The following CCDC90B variants were observed in gnomAD, a reference collection of about 807,000 sequenced individuals.
CCDC90B encodes the protein coiled-coil domain-containing protein 90B, mitochondrial.
A neutral mutation model predicts 37.0 loss-of-function variants in CCDC90B; 24 were observed. That is an observed-to-expected ratio of 0.65 (90% CI 0.47 to 0.91). CCDC90B has a LOEUF of 0.91. Among genes scored for constraint, CCDC90B ranks in the 40% least tolerant of loss-of-function variants. The pLI is 0.00. For missense variants in CCDC90B, 319 were observed against 299.0 expected (o/e 1.07, Z -0.49); for synonymous variants, 113 against 101.1 (o/e 1.12, Z -0.71).
At chr11:83,277,322 T>C (rs1376929751) in intron 3 of CCDC90B, among the ~76,000 whole-genome samples, 4 of 152,118 alleles carry the variant, frequency 2.6e-5, no homozygotes, top group African/African-American at 9.7e-5. Context: ...AGTAACTAAT[T>C]AGATGTTTGG....
At chr11:83,264,250 T>C (rs1864108992) in intron 8 of CCDC90B, among the ~76,000 whole-genome samples, 2 of 152,326 alleles carry the variant, frequency 1.3e-5, no homozygotes, top group South Asian at 4.1e-4. Flanking sequence ...AATACTGTGC[T>C]TTCTAATAAA....
chr11:83,267,810 GA>G, intron 7 of CCDC90B, among the ~76,000 whole-genome samples: 1 of 152,262 alleles, frequency 6.6e-6, no homozygotes, highest in East Asian at 1.9e-4. Flanking sequence ...ATAATTATCA[GA>G]TTCACCAAGG....
chr11:83,280,276 A>G lies in CCDC90B; in HGVS notation c.101-16T>C, dbSNP rs1243859007. The G allele has an allele frequency of 1.0e-5, 16 of 1,606,982 alleles. No individual in the cohort carries two copies. Among genetic ancestry groups the G allele is most frequent in the East Asian group, 4.5e-5 (2 of 44,666 alleles). ...GTGAAGAACTCTGAAAGAGAAGACA[A>G]TTTTTTTCTTTTGTAGTAACTGATA... is the stretch of plus-strand genomic sequence containing the variant. On this transcript the variant is annotated splice_polypyrimidine_tract_variant and intron_variant, in intron 1 of 8. Transcript: ENST00000529689.
chr11:83,273,745 A>T, intron 6 of CCDC90B, 45 bp from the exon 7 acceptor site: 2 of 1,601,072 alleles, frequency 1.2e-6, no homozygotes, highest in Non-Finnish European at 1.7e-6. Flanking sequence ...AAGTCTAAAA[A>T]TAAAAAAGGA....
Position 83,274,811 on chromosome 11 carries a change from T to A in CCDC90B, c.325-71A>T, listed in dbSNP as rs770098953. On this transcript the variant is annotated intron_variant, in intron 3 of 8. Transcript: ENST00000529689. ...CTTTTTATTTACAGAATTGTTTTCATGAAATTTAAATGAATTTGTTAACAT... is the reference window on the plus strand; with the variant it reads ...CTTTTTATTTACAGAATTGTTTTCAAGAAATTTAAATGAATTTGTTAACAT... The A allele has an allele frequency of 1.0e-5, 10 of 996,300 alleles. No homozygotes were observed. In the Admixed American group the frequency reaches 2.1e-4, roughly 20 times the overall value. 61.7% of individuals were successfully genotyped at this position (996,300 alleles called of 1,614,324 possible).
chr11:83,285,962 C>A lies in CCDC90B; in HGVS notation c.11G>T (p.Arg4Leu). The A allele has an allele frequency of 6.2e-7, 1 of 1,611,330 alleles. No individual in the cohort carries two copies. Among genetic ancestry groups the A allele is most frequent in the Middle Eastern group, 1.7e-4 (1 of 6,058 alleles). Residue 4 changes from arginine (R) to leucine (L), a missense_variant, in exon 1 of 9, where the codon CGC (arginine) becomes CTC (leucine). Arg to Leu is a moderately radical substitution (Grantham distance 102). Coordinates refer to ENST00000529689, the MANE Select transcript of CCDC90B (RefSeq NM_021825.5). ...GGAGAGAAAGAGCCGCCAAGCCTGG[C>A]GACTATTCATGTCCTCAGAGTTTTC... is the stretch of plus-strand genomic sequence containing the variant. MNSRQAWRLFLSQG... is the reference protein window; with the variant it reads MNSLQAWRLFLSQG...
At chr11:83,270,182 A>AC (rs1479594312) in intron 7 of CCDC90B, among the ~76,000 whole-genome samples, 1 of 152,108 alleles carries the variant, frequency 6.6e-6, no homozygotes, top group Admixed American at 6.5e-5. Context: ...TTTATGACAA[A>AC]CCCACAGCCA....
chr11:83,266,073 T>A, intron 7 of CCDC90B, 94 bp from the exon 8 acceptor site: 1 of 651,150 alleles, frequency 1.5e-6, no homozygotes, highest in Non-Finnish European at 2.7e-6. Flanking sequence ...ATGGGCTAAT[T>A]GTGATATAAA....
At chr11:83,268,016 T>G (rs1244420132) in intron 7 of CCDC90B, among the ~76,000 whole-genome samples, 1 of 152,062 alleles carries the variant, frequency 6.6e-6, no homozygotes, top group East Asian at 1.9e-4. Flanking sequence ...GCCTCATAAG[T>G]GAAGGAGAAA....
chr11:83,274,216 A>G (rs1170025106), intron 4 of CCDC90B: 4 of 383,654 alleles, frequency 1.0e-5, no homozygotes, highest in Admixed American at 8.6e-5. Context: ...TTAAAAACTG[A>G]TTTTCTAAAT....
At chr11:83,285,218 G>C (rs1345468169) in intron 1 of CCDC90B, 1 of 1,285,444 alleles carries the variant, frequency 7.8e-7, no homozygotes, top group Admixed American at 2.4e-5. Context: ...AAAACTGGGA[G>C]GGAAGTTAAA....
Position 83,281,182 on chromosome 11 carries a change from T to A in CCDC90B, c.101-922A>T, listed in dbSNP as rs147471765. 3.1e-3 allele frequency among the ~76,000 whole-genome samples: 471 copies of A among 152,310 alleles called. 2 individuals carry two copies. The highest frequency in any genetic ancestry group is 0.011 in the African/African-American group (462 of 41,572). ...AATCTTACACTCCATGCTGTCTCTC[T>A]TATGTATCTTAAGTCACTTAAAATA... On this transcript the variant is annotated intron_variant, in intron 1 of 8. Coordinates refer to ENST00000529689, the MANE Select transcript of CCDC90B (RefSeq NM_021825.5).
At chr11:83,265,331 G>C (rs986294618) in intron 8 of CCDC90B, among the ~76,000 whole-genome samples, 2 of 151,970 alleles carry the variant, frequency 1.3e-5, no homozygotes, top group Admixed American at 6.6e-5. Context: ...TTTTTAATGG[G>C]CTTATATCTA....
chr11:83,275,305 C>T (rs539929444), intron 3 of CCDC90B, among the ~76,000 whole-genome samples: 4 of 152,222 alleles, frequency 2.6e-5, no homozygotes, highest in Non-Finnish European at 4.4e-5. Context: ...TAAGCTTTTG[C>T]CTCGTTAGGG....
chr11:83,274,908 A>T (rs1446445177), intron 3 of CCDC90B, 168 bp from the exon 4 acceptor site: 1 of 432,370 alleles, frequency 2.3e-6, no homozygotes. Flanking sequence ...AATGAAAAGA[A>T]AGAGATTCAA....
chr11:83,266,080 T>C (rs2135593698), intron 7 of CCDC90B, 101 bp from the exon 8 acceptor site: 1 of 621,826 alleles, frequency 1.6e-6, no homozygotes, highest in Non-Finnish European at 2.8e-6. Context: ...AATTGTGATA[T>C]AAAAGTCTTA....
intron 7 of CCDC90B, chr11:83,267,394 G>GTTT: frequency 6.6e-6 from 1 of 152,192 alleles, no homozygotes; most frequent in Non-Finnish European, 1.5e-5. Context: ...TGGCTAACTA[G>GTTT]AATAAACAGT....
chr11:83,262,343 T>C (rs1863977598), intron 8 of CCDC90B, among the ~76,000 whole-genome samples: 1 of 152,142 alleles, frequency 6.6e-6, no homozygotes, highest in Non-Finnish European at 1.5e-5. Context: ...AAAATATACA[T>C]ATATCTGTGA....
intron 3 of CCDC90B, among the ~76,000 whole-genome samples, chr11:83,276,141 T>C (rs1352504697): frequency 2.0e-5 from 3 of 152,214 alleles, no homozygotes; most frequent in African/African-American, 7.2e-5. Flanking sequence ...TTTTCTTTTA[T>C]TCAGTTCTGC....
Sources: gnomAD v4.1 joint callset for allele counts (sites outside exome capture counted in the v4.1 genomes callset) on GRCh38, gnomAD v4.1.1 for gene constraint, MANE v1.5 for transcripts, NCBI Gene and HGNC (gene_info 2026-07-23, HGNC 2026-07-21) for gene names.